SHANK1: variants seen among roughly 807,000 people sequenced by gnomAD.
SHANK1 encodes SH3 and multiple ankyrin repeat domains protein 1.
A neutral mutation model predicts 165.6 loss-of-function variants in SHANK1; 35 were observed. The observed-to-expected ratio is 0.21, with a 90% CI of 0.16 to 0.28. The LOEUF is 0.28. Among genes scored for constraint, SHANK1 ranks in the 10% least tolerant of loss-of-function variants. The probability of loss-of-function intolerance (pLI) is 1.00; values close to 1 mark genes in which losing one functional copy is unlikely to be tolerated. For synonymous variants in SHANK1, 1,428 were observed against 1,384.8 expected, an observed-to-expected ratio of 1.03 and a Z score of -0.69; for missense variants, 2,681 against 3,036.4, an observed-to-expected ratio of 0.88 and a Z score of 2.75.
At chr19:50,712,247 G>C in intron 6 of SHANK1, 133 bp from the exon 7 acceptor site, 2 of 899,058 alleles carry the variant, frequency 2.2e-6, no homozygotes, top group Non-Finnish European at 3.3e-6. Context: ...CAGTTCTGCC[G>C]TGATGCCCTT....
Position 50,716,563 on chromosome 19 carries a change from G to A in SHANK1, c.256-85C>T. 3.2e-6 allele frequency: 5 copies of A among 1,568,672 alleles called. No homozygotes were observed. Among genetic ancestry groups the A allele is most frequent in the Non-Finnish European group, 4.3e-6 (5 of 1,151,394 alleles). On this transcript the variant is annotated intron_variant, in intron 2 of 23. Coordinates refer to ENST00000293441, the MANE Select transcript of SHANK1 (RefSeq NM_016148.5). This position sits in a 1 kb window ranked among gnomAD's most constrained non-coding sequence, Gnocchi z 8.4. ...GGTTGGGAAGTGAGCCAGGAGCTGA[G>A]TGTGGGGGTGATTCCTGGGAGGATA...
chr19:50,704,376 G>A (rs2088912319), intron 9 of SHANK1, 61 bp downstream of exon 9: 1 of 1,488,572 alleles, frequency 6.7e-7, no homozygotes, highest in Non-Finnish European at 9.4e-7. Flanking sequence ...TATCCACTGG[G>A]TGTCACTGTC....
At chr19:50,671,662 T>C (rs1317890171) in intron 22 of SHANK1, among the ~76,000 whole-genome samples, 1 of 152,044 alleles carries the variant, frequency 6.6e-6, no homozygotes, top group Admixed American at 6.6e-5. Flanking sequence ...ATTCCTGGCA[T>C]GTGGGGAGCG....
chr19:50,694,469 G>T (rs1475972016), intron 15 of SHANK1, among the ~76,000 whole-genome samples: 1 of 149,686 alleles, frequency 6.7e-6, no homozygotes, highest in Non-Finnish European at 1.5e-5. Context: ...AAGCCACGGT[G>T]GCTCCCCACA....
rs1251172317 is a variant in SHANK1 at position 50,703,506 on chromosome 19, C to T, written c.1547G>A (p.Arg516Gln). The T allele has an allele frequency of 6.5e-7, 1 of 1,539,072 alleles. No homozygotes were observed. Among genetic ancestry groups the T allele is most frequent in the Non-Finnish European group, 8.7e-7 (1 of 1,148,350 alleles). The change falls in exon 11 of 24, where the codon CGG (arginine) becomes CAG (glutamine). Residue 516 changes from arginine (R) to glutamine (Q), a missense_variant. By Grantham distance (43) the Arg-to-Gln change is conservative. This residue lies in a region of SHANK1 where 195 missense variants were observed against 186.2 expected (regional missense o/e 1.05). Transcript: ENST00000293441. ...CCAGGGCTGCCTCCCCTACCTGGGC[C>T]GGCCTCGGGGCTGCCTCTTGGCGTC... ...PEDAKRQPRG[R>Q]PSSSGTPREG...
At position 50,667,107 on chromosome 19, in the gene SHANK1, T is replaced by A; in HGVS notation, c.4853A>T (p.Asp1618Val). Residue 1618 changes from aspartate to valine, a missense_variant, in exon 23 of 24, where the codon GAC becomes GTC. Coordinates refer to ENST00000293441, the MANE Select transcript of SHANK1 (RefSeq NM_016148.5). This position sits in a 1 kb window ranked among gnomAD's most constrained non-coding sequence, Gnocchi z 5.7. ...PAVAAAPPTL[D>V]STASSLTSYD... is the part of the protein sequence containing the mutation. ...GGATGTCAGGCTGGATGCGGTGGAGTCCAGGGTGGGAGGGGCTGCGGCCAC... is the reference window on the plus strand; with the variant it reads ...GGATGTCAGGCTGGATGCGGTGGAGACCAGGGTGGGAGGGGCTGCGGCCAC... 2 of 1,552,858 alleles carry A rather than the reference T, an allele frequency of 1.3e-6. No individual in the cohort carries two copies. The highest frequency in any genetic ancestry group is 2.7e-5 in the African/African-American group (2 of 73,696).
chr19:50,686,495 G>A lies in SHANK1; in HGVS notation c.2459-140C>T, dbSNP rs1309164853. 4.1e-6 allele frequency: 3 copies of A among 739,652 alleles called. No individual in the cohort carries two copies. The highest frequency in any genetic ancestry group is 6.8e-6 in the Non-Finnish European group (3 of 443,650). 45.8% of individuals were successfully genotyped at this position (739,652 alleles called of 1,614,324 possible). A position where few individuals can be genotyped will look rare whatever the true frequency, so the allele number is the denominator to read the frequency against. On this transcript the variant is annotated intron_variant, in intron 20 of 23. Transcript: ENST00000293441. The surrounding 1 kb of genome is among the most constrained non-coding windows in gnomAD (Gnocchi z 5.7). Reference sequence around the variant, plus strand: ...GGAAAGGGCAGCCCTGCCTGGGTCCGGGTGGACGGGCAGTCCCGCTTGGAG... The same window carrying A: ...GGAAAGGGCAGCCCTGCCTGGGTCCAGGTGGACGGGCAGTCCCGCTTGGAG...
intron 23 of SHANK1, among the ~76,000 whole-genome samples, chr19:50,663,414 C>T (rs553204361): frequency 5.3e-5 from 8 of 152,306 alleles, no homozygotes; most frequent in African/African-American, 1.9e-4. Context: ...GCTGCTCCCC[C>T]TGCCTGGCTC....
chr19:50,696,965 C>T (rs1986761247), intron 15 of SHANK1, 131 bp downstream of exon 15: 2 of 772,406 alleles, frequency 2.6e-6, no homozygotes, highest in Non-Finnish European at 4.6e-6. Flanking sequence ...GCGTGTCATG[C>T]ACACCTACAG....
Position 50,686,853 on chromosome 19 carries a change from G to A in SHANK1, c.2390-41C>T, listed in dbSNP as rs767111019. On this transcript the variant is annotated intron_variant, in intron 19 of 23. Transcript: ENST00000293441. This position sits in a 1 kb window ranked among gnomAD's most constrained non-coding sequence, Gnocchi z 5.7. ...ACGGATGACGCCCAGGGAGCCCCCG[G>A]GGGCGGGGCGGAGCGGGCTCGGCCT... 1.9e-6 allele frequency: 3 copies of A among 1,610,492 alleles called. No homozygotes were observed. The East Asian group carries it at 6.7e-5, about 36-fold the overall frequency.
chr19:50,687,645 G>C lies in SHANK1; in HGVS notation c.2326C>G (p.Arg776Gly). The C allele has an allele frequency of 6.6e-7, 1 of 1,506,678 alleles. No homozygotes were observed. Among genetic ancestry groups the C allele is most frequent in the Non-Finnish European group, 8.9e-7 (1 of 1,128,070 alleles). The allele number at this position is 1,506,678 out of a possible 1,614,324, so 93.3% of individuals were successfully genotyped here. ...VHKKAPQQAK[R>G]LPPPTISLRS... ...AGGGAGATGGTTGGGGGCGGCAGCC[G>C]CTTGGCCTGCTGGGGTGCTGAAAAG... Residue 776 changes from arginine to glycine, a missense_variant, in exon 19 of 24, where the codon CGG (arginine) becomes GGG (glycine). Physicochemically the swap from Arg to Gly is moderately radical, Grantham distance 125. This residue lies in a region of SHANK1 where 206 missense variants were observed against 216.0 expected (regional missense o/e 0.95). Transcript: ENST00000293441.
rs1986350534 is a variant in SHANK1 at position 50,686,712 on chromosome 19, G to T, written c.2458+32C>A. 6.9e-6 allele frequency: 11 copies of T among 1,603,802 alleles called. No individual in the cohort carries two copies. Among genetic ancestry groups the T allele is most frequent in the African/African-American group, 1.3e-5 (1 of 74,624 alleles). On this transcript the variant is annotated intron_variant, in intron 20 of 23. Transcript: ENST00000293441. The surrounding 1 kb of genome is among the most constrained non-coding windows in gnomAD (Gnocchi z 5.7). ...CAGCGGGTGCCGGGGCTGGGGCCCG[G>T]CATCCCGAGGAGCAGGGCTGGGCCG...
chr19:50,665,752 A>AAAAAC (rs1599838021), intron 23 of SHANK1, among the ~76,000 whole-genome samples: 1 of 146,920 alleles, frequency 6.8e-6, no homozygotes. Flanking sequence ...AAAAAAAAAA[A>AAAAAC]GCCAGGCATG....
At chr19:50,706,058 C>T (rs2088935354) in intron 8 of SHANK1, among the ~76,000 whole-genome samples, 1 of 150,204 alleles carries the variant, frequency 6.7e-6, no homozygotes, top group African/African-American at 2.4e-5. Context: ...ACTTGTGGGG[C>T]TGAGGTGAGA....
At chr19:50,714,640 G>A (rs924845495) in intron 4 of SHANK1, among the ~76,000 whole-genome samples, 7 of 146,246 alleles carry the variant, frequency 4.8e-5, no homozygotes, top group Non-Finnish European at 7.4e-5. Flanking sequence ...AGGCTGCAGT[G>A]AGCCATGATT....
At chr19:50,673,174 TCCAGCGTGAA>T (rs1985860242) in intron 21 of SHANK1, among the ~76,000 whole-genome samples, 1 of 151,948 alleles carries the variant, frequency 6.6e-6, no homozygotes, top group Non-Finnish European at 1.5e-5. Flanking sequence ...GGGTTCCCAC[TCCAGCGTGAA>T]CCGTGTCTGC....
rs567210879 is a variant in SHANK1 at position 50,692,233 on chromosome 19, T to C, written c.1965-2954A>G. Among the ~76,000 whole-genome samples, 6 of 152,096 alleles carry C rather than the reference T, an allele frequency of 3.9e-5. No individual in the cohort carries two copies. In the South Asian group the frequency reaches 1.2e-3, roughly 31 times the overall value. Reference sequence around the variant, plus strand: ...GGGTGTGGCAGTAACACCATGACAATGAGGAACACTTATCGAATTATTACT... The same window carrying C: ...GGGTGTGGCAGTAACACCATGACAACGAGGAACACTTATCGAATTATTACT... On this transcript the variant is annotated intron_variant, in intron 15 of 23. Transcript: ENST00000293441.
At chr19:50,696,699 T>C (rs1323758207) in intron 15 of SHANK1, among the ~76,000 whole-genome samples, 1 of 151,880 alleles carries the variant, frequency 6.6e-6, no homozygotes, top group Non-Finnish European at 1.5e-5. Flanking sequence ...TGCACACACG[T>C]TAATGTGCGA....
Position 50,661,747 on chromosome 19 carries a change from AC to A in SHANK1, c.*217del. ...CCCCTCCGCTCCCCGCTTCACACAC[AC>A]ACACACACTCTTGTGTCAGCTGCCC... On this transcript the variant is annotated 3_prime_UTR_variant, in exon 24 of 24. Coordinates refer to ENST00000293441, the MANE Select transcript of SHANK1 (RefSeq NM_016148.5). 1.8e-6 allele frequency: 1 copy of A among 557,894 alleles called. No individual in the cohort carries two copies. Among genetic ancestry groups the A allele is most frequent in the East Asian group, 3.0e-5 (1 of 33,512 alleles). 34.6% of individuals were successfully genotyped at this position (557,894 alleles called of 1,614,324 possible). A position where few individuals can be genotyped will look rare whatever the true frequency, so the allele number is the denominator to read the frequency against.
Sources: gnomAD v4.1 joint callset for allele counts (sites outside exome capture counted in the v4.1 genomes callset) on GRCh38, gnomAD v4.1.1 for gene constraint, gnomAD v4.1.1 regional missense constraint, Gnocchi (gnomAD v3.1) non-coding constraint, MANE v1.5 for transcripts, NCBI Gene and HGNC (gene_info 2026-07-23, HGNC 2026-07-21) for gene names.